The following CNOT6 variants were observed in gnomAD, a reference collection of about 807,000 sequenced individuals.
CNOT6 encodes the protein carbon catabolite repression 4 protein.
In CNOT6, 12 loss-of-function variants were observed where a neutral mutation model predicts 61.2. The observed-to-expected ratio is 0.20, with a 90% CI of 0.13 to 0.32. The LOEUF (loss-of-function observed/expected upper bound fraction) is 0.32. Ranked by LOEUF, CNOT6 falls within the 10% of genes least tolerant of loss-of-function variation. CNOT6 has a pLI of 1.00. For synonymous variants in CNOT6, 225 were observed against 240.6 expected (o/e 0.94, Z 0.60); for missense variants, 405 against 663.9 (o/e 0.61, Z 4.28).
intron 2 of CNOT6, among the ~76,000 whole-genome samples, chr5:180,542,970 A>G (rs1242847514): frequency 6.6e-6 from 1 of 152,212 alleles, no homozygotes. Flanking sequence ...TGCGTAGTTC[A>G]ATGGTAGAGA....
At chr5:180,498,233 C>T (rs867408906) in intron 1 of CNOT6, among the ~76,000 whole-genome samples, 11 of 152,276 alleles carry the variant, frequency 7.2e-5, no homozygotes, top group African/African-American at 2.2e-4. Context: ...TCCTTCACCT[C>T]TCCTTCATCC....
At chr5:180,504,354 A>G (rs1757029941) in intron 1 of CNOT6, among the ~76,000 whole-genome samples, 1 of 152,204 alleles carries the variant, frequency 6.6e-6, no homozygotes, top group African/African-American at 2.4e-5. Context: ...GGAAAAGACT[A>G]GTGGATCAAA....
chr5:180,506,669 A>G (rs1250115085), intron 1 of CNOT6, among the ~76,000 whole-genome samples: 1 of 152,226 alleles, frequency 6.6e-6, no homozygotes, highest in Non-Finnish European at 1.5e-5. Context: ...AGGCTATCCC[A>G]GAACCAGTAT....
At chr5:180,528,129 T>G (rs1209155083) in intron 1 of CNOT6, among the ~76,000 whole-genome samples, 2 of 152,202 alleles carry the variant, frequency 1.3e-5, no homozygotes, top group African/African-American at 2.4e-5. Context: ...TTTTTCACAC[T>G]TAATGGTTTT....
rs1163250055 is a variant in CNOT6, at chr5:180,533,325, TATATATATATATA to T, written c.112+3938_112+3950del. Among the ~76,000 whole-genome samples the T allele has an allele frequency of 3.9e-3, 262 of 66,738 alleles. 4 individuals are homozygous for T. The highest frequency in any genetic ancestry group is 8.2e-3 in the African/African-American group (234 of 28,522). The allele number at this position is 66,738 out of a possible 152,430, so 43.8% of individuals were successfully genotyped here. ...ATGGATGAAAACCTATATATATATA[TATATATATATATA>T]TATATCACCGTAATACAACATAGGA... On this transcript the variant is annotated intron_variant, in intron 2 of 11. Coordinates refer to ENST00000261951, the MANE Select transcript of CNOT6 (RefSeq NM_001370472.1).
chr5:180,518,150 C>A (rs1757730657), intron 1 of CNOT6, among the ~76,000 whole-genome samples: 1 of 152,026 alleles, frequency 6.6e-6, no homozygotes, highest in Non-Finnish European at 1.5e-5. Flanking sequence ...TGTATTGATT[C>A]AGTGTGTTTC....
rs568956083 is a variant in CNOT6 at position 180,539,750 on chromosome 5, C to T, written c.113-10181C>T. Among the ~76,000 whole-genome samples, 468 of 151,610 alleles carry T rather than the reference C, an allele frequency of 3.1e-3. 4 individuals are homozygous for T. The highest frequency in any genetic ancestry group is 5.2e-3 in the South Asian group (25 of 4,780). On this transcript the variant is annotated intron_variant, in intron 2 of 11. Transcript: ENST00000261951. Reference sequence around the variant, plus strand: ...GACTACAGGCACCCGCCACCACACCCGGCTAATTTTTTGTATTTTTAGTAG... The same window carrying T: ...GACTACAGGCACCCGCCACCACACCTGGCTAATTTTTTGTATTTTTAGTAG...
At chr5:180,563,777 C>T (rs1417722551) in intron 4 of CNOT6, among the ~76,000 whole-genome samples, 3 of 152,178 alleles carry the variant, frequency 2.0e-5, no homozygotes, top group African/African-American at 7.2e-5. Context: ...TGAAACCCTG[C>T]GCTGCACTGT....
chr5:180,507,456 G>A (rs565530071), intron 1 of CNOT6, among the ~76,000 whole-genome samples: 1 of 152,142 alleles, frequency 6.6e-6, no homozygotes, highest in African/African-American at 2.4e-5. Context: ...AAAAAAATTA[G>A]CCAGGCGTGG....
intron 4 of CNOT6, among the ~76,000 whole-genome samples, chr5:180,561,754 G>A (rs1760200296): frequency 6.6e-6 from 1 of 152,156 alleles, no homozygotes; most frequent in African/African-American, 2.4e-5. Flanking sequence ...TGGTAGTTTT[G>A]GCTCTTCACG....
intron 2 of CNOT6, among the ~76,000 whole-genome samples, chr5:180,531,223 C>T (rs1029315068): frequency 4.7e-5 from 7 of 149,644 alleles, no homozygotes; most frequent in Admixed American, 1.3e-4. Context: ...TCCTCACTTC[C>T]CAGACGGGGC....
chr5:180,556,358 A>G (rs546257231), intron 4 of CNOT6, among the ~76,000 whole-genome samples: 6 of 152,212 alleles, frequency 3.9e-5, no homozygotes, highest in Non-Finnish European at 8.8e-5. Context: ...GTTGCATAGC[A>G]TAGTAACTAT....
intron 4 of CNOT6, among the ~76,000 whole-genome samples, chr5:180,563,644 C>T (rs1358251965): frequency 6.6e-6 from 1 of 152,160 alleles, no homozygotes; most frequent in Non-Finnish European, 1.5e-5. Flanking sequence ...GTATGGTTAA[C>T]ATCTTTGACC....
At chr5:180,525,112 A>G (rs1758039602) in intron 1 of CNOT6, among the ~76,000 whole-genome samples, 1 of 152,220 alleles carries the variant, frequency 6.6e-6, no homozygotes, top group South Asian at 2.1e-4. Flanking sequence ...AGCAGTTATT[A>G]TATTTCTATA....
chr5:180,524,334 A>G (rs989682124), intron 1 of CNOT6, among the ~76,000 whole-genome samples: 3 of 152,296 alleles, frequency 2.0e-5, no homozygotes, highest in Non-Finnish European at 4.4e-5. Context: ...GTATTCCTAT[A>G]TCCTTTCCTT....
At chr5:180,564,825 A>AT in intron 6 of CNOT6, 82 bp downstream of exon 6, 2 of 1,078,946 alleles carry the variant, frequency 1.9e-6, no homozygotes, top group Non-Finnish European at 2.8e-6. Flanking sequence ...CTTAGATTAC[A>AT]GGTAGCATTA....
chr5:180,526,069 G>A (rs1012480488), intron 1 of CNOT6, among the ~76,000 whole-genome samples: 1 of 152,190 alleles, frequency 6.6e-6, no homozygotes, highest in Non-Finnish European at 1.5e-5. Context: ...AAGCCGTTGG[G>A]GTTATAGGCG....
chr5:180,539,548 G>GTTGTTTTTTTTTTTTTTTTTTTTTTT (rs1561648866), intron 2 of CNOT6, among the ~76,000 whole-genome samples: 1 of 45,826 alleles, frequency 2.2e-5, no homozygotes, highest in African/African-American at 7.6e-5. Context: ...TACTTTTTCT[G>GTTGTTTTTTTTTTTTTTTTTTTTTTT]TTCTTTTTTT....
intron 4 of CNOT6, among the ~76,000 whole-genome samples, chr5:180,563,046 C>G (rs1561662660): frequency 6.6e-6 from 1 of 152,160 alleles, no homozygotes; most frequent in Non-Finnish European, 1.5e-5. Flanking sequence ...TCTTAGAATC[C>G]TAGAATCTTA....
Sources: allele counts gnomAD v4.1 joint callset (sites outside exome capture counted in the v4.1 genomes callset), GRCh38; gene constraint gnomAD v4.1.1; transcripts MANE v1.5; gene names NCBI Gene and HGNC (gene_info 2026-07-23, HGNC 2026-07-21).